FILIP1L: variants seen among roughly 807,000 people sequenced by gnomAD.
FILIP1L encodes the protein filamin A interacting protein 1 like.
In FILIP1L, 55 loss-of-function variants were observed where a neutral mutation model predicts 96.6. That is an observed-to-expected ratio of 0.57 (90% confidence interval 0.46 to 0.71). The LOEUF (loss-of-function observed/expected upper bound fraction) is 0.71, where lower values mean the gene tolerates loss of function less well. FILIP1L is among the 30% of genes least tolerant of loss of function. The pLI is 0.00. For synonymous variants in FILIP1L, 467 were observed against 473.9 expected (o/e 0.99, Z 0.19); for missense variants, 1,304 against 1,321.2 (o/e 0.99, Z 0.20).
chr3:99,832,898 A>G (rs1478213191), intron 5 of FILIP1L, among the ~76,000 whole-genome samples: 1 of 147,496 alleles, frequency 6.8e-6, no homozygotes, highest in Non-Finnish European at 1.5e-5. Flanking sequence ...ATCCTTGGAC[A>G]TGTTTCAGTA....
At chr3:100,006,862 T>C (rs1399039117) in intron 1 of FILIP1L, among the ~76,000 whole-genome samples, 1 of 152,246 alleles carries the variant, frequency 6.6e-6, no homozygotes, top group Non-Finnish European at 1.5e-5. Context: ...ATTTGATTAC[T>C]AAACCACTGC....
chr3:100,035,075 G>A (rs576738720), intron 1 of FILIP1L, among the ~76,000 whole-genome samples: 105 of 152,128 alleles, frequency 6.9e-4, no homozygotes, highest in Non-Finnish European at 1.0e-3. Context: ...ATTTTTTAGG[G>A]TTGATCTGTT....
At chr3:100,105,341 G>C (rs963434605) in intron 1 of FILIP1L, among the ~76,000 whole-genome samples, 3 of 152,104 alleles carry the variant, frequency 2.0e-5, no homozygotes, top group African/African-American at 7.2e-5. Flanking sequence ...TAGGAATTTG[G>C]ACTAGTAATA....
At chr3:100,034,456 CT>C (rs201037067) in intron 1 of FILIP1L, among the ~76,000 whole-genome samples, 2,394 of 152,282 alleles carry the variant, frequency 0.016, 57 homozygotes, top group African/African-American at 0.054. Flanking sequence ...AAGGAATGCA[CT>C]TTTTGAATCA....
At chr3:99,862,378 T>C (rs1358471824) in intron 4 of FILIP1L, among the ~76,000 whole-genome samples, 1 of 152,234 alleles carries the variant, frequency 6.6e-6, no homozygotes, top group African/African-American at 2.4e-5. Context: ...ATGAAAGATA[T>C]GACTACATAA....
At chr3:99,894,683 T>C (rs984326048) in intron 4 of FILIP1L, among the ~76,000 whole-genome samples, 1 of 152,182 alleles carries the variant, frequency 6.6e-6, no homozygotes, top group African/African-American at 2.4e-5. Flanking sequence ...AAAACGATAT[T>C]ATTAATTATG....
At chr3:100,101,651 G>A (rs980475137) in intron 1 of FILIP1L, among the ~76,000 whole-genome samples, 1 of 152,048 alleles carries the variant, frequency 6.6e-6, no homozygotes. Context: ...TTAAGTTTTA[G>A]GGTACATGTG....
intron 1 of FILIP1L, among the ~76,000 whole-genome samples, chr3:100,102,643 A>G (rs761916866): frequency 2.0e-5 from 3 of 152,182 alleles, no homozygotes; most frequent in Non-Finnish European, 4.4e-5. Flanking sequence ...GCCAAGCTGC[A>G]TTCTGTGTCC....
chr3:99,847,235 A>C (rs1311644280), intron 5 of FILIP1L, among the ~76,000 whole-genome samples: 4 of 151,832 alleles, frequency 2.6e-5, no homozygotes, highest in East Asian at 1.9e-4. Context: ...AAAAAAAAAA[A>C]CTGTAAGCTT....
At chr3:99,832,422 G>C (rs1942704795) in intron 5 of FILIP1L, among the ~76,000 whole-genome samples, 1 of 149,878 alleles carries the variant, frequency 6.7e-6, no homozygotes, top group Non-Finnish European at 1.5e-5. Flanking sequence ...AGTAGAGACG[G>C]GGTTTCACTG....
intron 4 of FILIP1L, among the ~76,000 whole-genome samples, chr3:99,914,303 G>T (rs1706884557): frequency 2.6e-5 from 4 of 152,290 alleles, no homozygotes; most frequent in Non-Finnish European, 5.9e-5. Context: ...ATTTTTGGAA[G>T]ACCAGTGATG....
At chr3:99,960,905 C>T (rs1365166119) in intron 1 of FILIP1L, among the ~76,000 whole-genome samples, 1 of 152,062 alleles carries the variant, frequency 6.6e-6, no homozygotes, top group African/African-American at 2.4e-5. Flanking sequence ...GTTTGGCAGA[C>T]CAACAAAGTG....
At chr3:100,068,575 A>G (rs1204380505) in intron 1 of FILIP1L, among the ~76,000 whole-genome samples, 2 of 152,220 alleles carry the variant, frequency 1.3e-5, no homozygotes, top group Non-Finnish European at 1.5e-5. Context: ...AATACATAGT[A>G]TATGTATCAG....
intron 3 of FILIP1L, among the ~76,000 whole-genome samples, chr3:99,927,398 T>G (rs1707327886): frequency 6.6e-6 from 1 of 151,762 alleles, no homozygotes; most frequent in Non-Finnish European, 1.5e-5. Context: ...AGACGGAGTT[T>G]CGCTTTTGTT....
chr3:100,028,047 T>G (rs2064959429), intron 1 of FILIP1L, among the ~76,000 whole-genome samples: 1 of 152,228 alleles, frequency 6.6e-6, no homozygotes, highest in African/African-American at 2.4e-5. Context: ...GATTAAATTT[T>G]ACTCTGGCTA....
intron 1 of FILIP1L, among the ~76,000 whole-genome samples, chr3:100,094,664 G>GA (rs34551213): frequency 7.1e-6 from 1 of 141,360 alleles, no homozygotes; most frequent in East Asian, 2.0e-4. Flanking sequence ...CCATTTGTTG[G>GA]AAAAGCTGCC....
In FILIP1L at chr3:99,907,252, T is replaced by G. The variant is rs1559683645; in HGVS notation, c.605+16978A>C. ...CTACCTATTACCCTTTTAATTTTCT[T>G]TTTTATTTTTTTTGAGACAGAGTCT... On this transcript the variant is annotated intron_variant, in intron 4 of 5. Transcript: ENST00000477258. 1.3e-5 allele frequency among the ~76,000 whole-genome samples: 2 copies of G among 152,036 alleles called. 1 individual carries two copies. Among genetic ancestry groups the G allele is most frequent in the East Asian group, 3.9e-4 (2 of 5,176 alleles).
chr3:100,086,435 G>A (rs1041098039), intron 1 of FILIP1L, among the ~76,000 whole-genome samples: 1 of 152,076 alleles, frequency 6.6e-6, no homozygotes, highest in Non-Finnish European at 1.5e-5. Flanking sequence ...AAAAATCCAG[G>A]TTCTACTCTT....
intron 4 of FILIP1L, among the ~76,000 whole-genome samples, chr3:99,894,063 AT>A (rs1329206225): frequency 1.3e-5 from 2 of 152,172 alleles, no homozygotes; most frequent in Non-Finnish European, 2.9e-5. Flanking sequence ...GCTTCAGTAA[AT>A]TTTCTTTCCT....
Sources: gnomAD v4.1 joint callset for allele counts (sites outside exome capture counted in the v4.1 genomes callset) on GRCh38, gnomAD v4.1.1 for gene constraint, MANE v1.5 for transcripts, NCBI Gene and HGNC (gene_info 2026-07-23, HGNC 2026-07-21) for gene names.